ACACA: variants seen among roughly 807,000 people sequenced by gnomAD.
ACACA encodes the protein acetyl-CoA carboxylase alpha, also known as acetyl-CoA carboxylase 1.
A neutral mutation model predicts 296.1 loss-of-function variants in ACACA; 103 were observed. The ratio of observed to expected loss-of-function variants is 0.35; its 90% CI spans 0.30 to 0.41. The LOEUF is 0.41. ACACA is among the 10% of genes least tolerant of loss of function. The pLI, the probability that ACACA is intolerant of heterozygous loss-of-function variation, is 1.00. For missense variants in ACACA, 1,554 were observed against 2,989.7 expected (o/e 0.52, Z 11.20); for synonymous variants, 953 against 1,038.6 (o/e 0.92, Z 1.58).
Position 37,130,127 on chromosome 17 carries a change from T to C in ACACA, c.5771A>G (p.Asp1924Gly). ...NNGVTHCTVCDDFEGVFTVLH... is the reference protein window; with the variant it reads ...NNGVTHCTVCGDFEGVFTVLH... Reference sequence around the variant, plus strand: ...GACAGTGAAAACCCCTTCAAAGTCATCACACACAGTGCAGTGGGTCACCCC... The same window carrying C: ...GACAGTGAAAACCCCTTCAAAGTCACCACACACAGTGCAGTGGGTCACCCC... Residue 1924 changes from aspartate to glycine, a missense_variant, in exon 46 of 56, where the codon GAT becomes GGT. Asp to Gly is a moderately conservative substitution (Grantham distance 94, BLOSUM62 -1). This residue lies in a region of ACACA where 553 missense variants were observed against 1,043.6 expected (regional missense o/e 0.53). Coordinates refer to ENST00000616317, the MANE Select transcript of ACACA (RefSeq NM_198834.3). The C allele has an allele frequency of 6.2e-7, 1 of 1,614,142 alleles. No homozygotes were observed. The highest frequency in any genetic ancestry group is 8.5e-7 in the Non-Finnish European group (1 of 1,180,022).
rs141681290 is a variant in ACACA at position 37,114,585 on chromosome 17, A to T, written c.6275-1320T>A. Among the ~76,000 whole-genome samples, 6 of 151,730 alleles carry T rather than the reference A, an allele frequency of 4.0e-5. No individual in the cohort carries two copies. The East Asian group carries it at 1.2e-3, about 29-fold the overall frequency. On this transcript the variant is annotated intron_variant, in intron 50 of 55. Coordinates refer to ENST00000616317, the MANE Select transcript of ACACA (RefSeq NM_198834.3). Reference sequence around the variant, plus strand: ...ATTTTGTAATCCCTCCAAAGCCAGGAGCAGCCTGAAGAAAAGGACCCATGA... The same window carrying T: ...ATTTTGTAATCCCTCCAAAGCCAGGTGCAGCCTGAAGAAAAGGACCCATGA...
intron 1 of ACACA, among the ~76,000 whole-genome samples, chr17:37,379,619 T>C (rs886682844): frequency 1.3e-5 from 2 of 151,924 alleles, no homozygotes; most frequent in Non-Finnish European, 2.9e-5. Context: ...GCAAAGGACA[T>C]GAACAGACAC....
intron 24 of ACACA, among the ~76,000 whole-genome samples, chr17:37,236,471 C>A (rs1357683356): frequency 6.6e-6 from 1 of 151,390 alleles, no homozygotes; most frequent in African/African-American, 2.4e-5. Flanking sequence ...AGCAATGATA[C>A]TTTCTTGTTT....
At chr17:37,213,255 T>C (rs766552264) in intron 29 of ACACA, among the ~76,000 whole-genome samples, 2 of 149,844 alleles carry the variant, frequency 1.3e-5, no homozygotes, top group African/African-American at 2.5e-5. Flanking sequence ...ACTCCGAAGG[T>C]TGAGGTGGAA....
At chr17:37,378,067 A>G in intron 1 of ACACA, 1 of 1,100,860 alleles carries the variant, frequency 9.1e-7, no homozygotes, top group Non-Finnish European at 1.3e-6. Flanking sequence ...TATCTCAAAT[A>G]TCCTATTTTA....
intron 39 of ACACA, among the ~76,000 whole-genome samples, chr17:37,184,848 CAAAAA>C (rs35132757): frequency 2.8e-5 from 3 of 108,320 alleles, no homozygotes; most frequent in South Asian, 5.6e-4. Context: ...GACCCTGTCT[CAAAAA>C]AAAAAAAAAA....
chr17:37,098,820 C>A (rs1011873568), intron 52 of ACACA, among the ~76,000 whole-genome samples: 1 of 152,206 alleles, frequency 6.6e-6, no homozygotes, highest in Non-Finnish European at 1.5e-5. Flanking sequence ...ACCCCTTATA[C>A]CAAGGAGGGA....
intron 25 of ACACA, among the ~76,000 whole-genome samples, chr17:37,229,746 T>C (rs1226966157): frequency 6.6e-6 from 1 of 151,964 alleles, no homozygotes; most frequent in African/African-American, 2.4e-5. Context: ...CAACAGTATG[T>C]GTAAGAAAAG....
At chr17:37,235,539 G>T (rs1443181045) in intron 24 of ACACA, among the ~76,000 whole-genome samples, 1 of 152,086 alleles carries the variant, frequency 6.6e-6, no homozygotes, top group Non-Finnish European at 1.5e-5. Flanking sequence ...TAAACTTGAT[G>T]ATCTTTAAGG....
intron 1 of ACACA, among the ~76,000 whole-genome samples, chr17:37,391,064 C>T (rs959336996): frequency 1.3e-5 from 2 of 151,998 alleles, no homozygotes; most frequent in Non-Finnish European, 2.9e-5. Flanking sequence ...CAAGGTGAAA[C>T]TGTCTCAACT....
rs2080802504 is a variant in ACACA at position 37,248,062 on chromosome 17, A to G, written c.2258T>C (p.Leu753Ser). 1 of 1,614,186 alleles carries G rather than the reference A, an allele frequency of 6.2e-7. No homozygotes were observed. The change falls in exon 18 of 56, where the codon TTG becomes TCG. Residue 753 changes from leucine to serine, a missense_variant. By Grantham distance (145) the Leu-to-Ser change is moderately radical. Transcript: ENST00000616317. ...VHRLSDGGLL[L>S]SYDGSSYTTY... is the part of the protein sequence containing the mutation. ...AGTATAACTGCTGCCATCATAGGACAAGAGCAGTCCACCGTCACTCAGCCG... is the reference window on the plus strand; with the variant it reads ...AGTATAACTGCTGCCATCATAGGACGAGAGCAGTCCACCGTCACTCAGCCG...
At chr17:37,283,931 T>C (rs2082658204) in intron 4 of ACACA, among the ~76,000 whole-genome samples, 1 of 152,164 alleles carries the variant, frequency 6.6e-6, no homozygotes, top group African/African-American at 2.4e-5. Context: ...TGTAGAAAAA[T>C]AGAATAATCC....
At chr17:37,246,362 A>C (rs1045821373) in intron 19 of ACACA, among the ~76,000 whole-genome samples, 1 of 152,140 alleles carries the variant, frequency 6.6e-6, no homozygotes, top group African/African-American at 2.4e-5. Context: ...TAAGGTTCGC[A>C]CTTCTAATTA....
intron 1 of ACACA, among the ~76,000 whole-genome samples, chr17:37,346,091 A>T (rs964114861): frequency 5.9e-5 from 9 of 152,112 alleles, no homozygotes; most frequent in African/African-American, 1.9e-4. Context: ...AGGAAAAAAA[A>T]CCCAGGAAAT....
chr17:37,353,610 G>A (rs891117536), intron 1 of ACACA, among the ~76,000 whole-genome samples: 1 of 112,656 alleles, frequency 8.9e-6, no homozygotes, highest in Non-Finnish European at 1.6e-5. Flanking sequence ...CTGTACTCCA[G>A]CCTAGGCGAC....
intron 54 of ACACA, among the ~76,000 whole-genome samples, chr17:37,089,499 G>T (rs1464751407): frequency 6.6e-6 from 1 of 152,216 alleles, no homozygotes; most frequent in East Asian, 1.9e-4. Flanking sequence ...CAGAGGAGCT[G>T]AGACACAATG....
rs559498331 is a variant in ACACA at position 37,221,012 on chromosome 17, A to T, written c.3683+712T>A. ...TGAAAGTACAGGAGGGGATGAACCT[A>T]TGTGTGGGTGGAATTCCTAGATTTT... On this transcript the variant is annotated intron_variant, in intron 29 of 55. Transcript: ENST00000616317. 2.1e-4 allele frequency among the ~76,000 whole-genome samples: 32 copies of T among 151,672 alleles called. 1 individual carries two copies. In the Middle Eastern group the frequency reaches 0.02, roughly 97 times the overall value.
intron 48 of ACACA, among the ~76,000 whole-genome samples, chr17:37,124,357 A>G (rs2074674378): frequency 6.6e-6 from 1 of 152,252 alleles, no homozygotes; most frequent in Non-Finnish European, 1.5e-5. Flanking sequence ...CTATTCTTCT[A>G]ATCATAAGTG....
chr17:37,298,666 CAA>C (rs2083469640), intron 3 of ACACA, among the ~76,000 whole-genome samples: 1 of 152,174 alleles, frequency 6.6e-6, no homozygotes. Context: ...GCAAATCATT[CAA>C]GTCTTTTATG....
Sources: allele counts gnomAD v4.1 joint callset (sites outside exome capture counted in the v4.1 genomes callset), GRCh38; gene constraint gnomAD v4.1.1; regional missense constraint gnomAD v4.1.1; transcripts MANE v1.5; gene names NCBI Gene and HGNC (gene_info 2026-07-23, HGNC 2026-07-21).